Variants in PRELID3B observed in about 807,000 individuals in gnomAD.
PRELID3B encodes the protein PRELI domain containing protein 3B.
Under a neutral mutation model 24.0 loss-of-function variants are expected in PRELID3B, and 15 were observed. The observed-to-expected ratio is 0.63, with a 90% CI of 0.42 to 0.96. The LOEUF (loss-of-function observed/expected upper bound fraction) is 0.96. Among genes scored for constraint, PRELID3B ranks in the 40% least tolerant of loss-of-function variants. PRELID3B has a pLI of 0.00. For synonymous variants in PRELID3B, 62 were observed against 76.0 expected, an observed-to-expected ratio of 0.82 and a Z score of 0.96; for missense variants, 189 against 236.0, an observed-to-expected ratio of 0.80 and a Z score of 1.30.
intron 1 of PRELID3B, among the ~76,000 whole-genome samples, chr20:59,041,410 G>A (rs1248884858): frequency 1.3e-5 from 2 of 152,156 alleles, no homozygotes; most frequent in African/African-American, 2.4e-5. Context: ...TGCGGACAAC[G>A]TTTTAAAAGT....
chr20:59,038,704 A>G lies in PRELID3B; in HGVS notation c.33-70T>C, dbSNP rs1368229829. The G allele has an allele frequency of 3.4e-6, 5 of 1,479,370 alleles. No individual in the cohort carries two copies. The Admixed American group carries it at 6.8e-5, about 20-fold the overall frequency. 91.6% of individuals were successfully genotyped at this position (1,479,370 alleles called of 1,614,324 possible). A position where few individuals can be genotyped will look rare whatever the true frequency, so the allele number is the denominator to read the frequency against. The stretch of plus-strand genomic sequence containing the variant: ...TAAAATTATGCATATGAGTTAAACA[A>G]TTTTTATAATCTATCAAATCATTCA... On this transcript the variant is annotated intron_variant, in intron 1 of 5. Coordinates refer to ENST00000355937, the MANE Select transcript of PRELID3B (RefSeq NM_016045.3).
At position 59,040,410 on chromosome 20, in the gene PRELID3B, C is replaced by A. The variant is rs911359805; in HGVS notation, c.33-1776G>T. The stretch of plus-strand genomic sequence containing the variant: ...CGGTCCAACTTCTTCACCTTTGAAA[C>A]GAGGTGAGGACATTATTAACTCCAC... On this transcript the variant is annotated intron_variant, in intron 1 of 5. Transcript: ENST00000355937. This position sits in a 1 kb window ranked among gnomAD's most constrained non-coding sequence, Gnocchi z 4.1. Among the ~76,000 whole-genome samples the A allele has an allele frequency of 6.6e-6, 1 of 152,180 alleles. No individual in the cohort carries two copies. Among genetic ancestry groups the A allele is most frequent in the African/African-American group, 2.4e-5 (1 of 41,448 alleles).
chr20:59,041,760 C>T (rs1384811901), intron 1 of PRELID3B, among the ~76,000 whole-genome samples: 1 of 152,080 alleles, frequency 6.6e-6, no homozygotes, highest in Non-Finnish European at 1.5e-5. Flanking sequence ...AAAAAATTTG[C>T]CTTCAGAGAC....
chr20:59,035,130 A>T lies in PRELID3B; in HGVS notation c.466-4T>A. On this transcript the variant is annotated splice_polypyrimidine_tract_variant and splice_region_variant and intron_variant, in intron 5 of 5. Coordinates refer to ENST00000355937, the MANE Select transcript of PRELID3B (RefSeq NM_016045.3). ...CCCATTCCATTGCTTCTCGGCCCTTAAAAAAAATCCAATACATTTATTGTT... is the reference window on the plus strand; with the variant it reads ...CCCATTCCATTGCTTCTCGGCCCTTTAAAAAAATCCAATACATTTATTGTT... The T allele has an allele frequency of 6.3e-7, 1 of 1,597,536 alleles. No homozygotes were observed. Among genetic ancestry groups the T allele is most frequent in the Non-Finnish European group, 8.5e-7 (1 of 1,171,606 alleles).
At chr20:59,035,504 A>G (rs1264400770) in intron 5 of PRELID3B, among the ~76,000 whole-genome samples, 2 of 151,362 alleles carry the variant, frequency 1.3e-5, no homozygotes, top group Non-Finnish European at 2.9e-5. Context: ...TCCTCAACTC[A>G]CTCCTCACCC....
In PRELID3B at chr20:59,042,770, GACA is replaced by G. The variant is rs767540688; in HGVS notation, c.-43_-41del. 7 of 1,587,630 alleles carry G rather than the reference GACA, an allele frequency of 4.4e-6. No homozygotes were observed. The highest frequency in any genetic ancestry group is 3.3e-4 in the Middle Eastern group (2 of 6,000). ...GAGAGATGTCCGGGTAGCGCCAGGG[GACA>G]ACGAGGCACAGAGGCTACACCTGCC... On this transcript the variant is annotated 5_prime_UTR_variant, in exon 1 of 6. Coordinates refer to ENST00000355937, the MANE Select transcript of PRELID3B (RefSeq NM_016045.3).
At chr20:59,041,876 C>CG (rs2092112754) in intron 1 of PRELID3B, among the ~76,000 whole-genome samples, 1 of 151,956 alleles carries the variant, frequency 6.6e-6, no homozygotes, top group African/African-American at 2.4e-5. Flanking sequence ...GCAGGTAACT[C>CG]GGGAAAAAAA....
At chr20:59,042,473 C>T (rs923906783) in intron 1 of PRELID3B, among the ~76,000 whole-genome samples, 22 of 152,232 alleles carry the variant, frequency 1.4e-4, no homozygotes, top group Admixed American at 2.6e-4. Flanking sequence ...CCCTGCCGGT[C>T]GCAAGGCCGC....
intron 1 of PRELID3B, among the ~76,000 whole-genome samples, chr20:59,042,310 C>G (rs182438711): frequency 2.0e-5 from 3 of 152,374 alleles, no homozygotes; most frequent in Admixed American, 1.3e-4. Context: ...TTGGGATCCT[C>G]GGGTCCACGT....
In PRELID3B at chr20:59,042,741, C is replaced by T. The variant is rs1230669568; in HGVS notation, c.-11G>A. ...AGTCCAGATCTTCATGGTGCCGGCACCCTGAGAGATGTCCGGGTAGCGCCA... is the reference window on the plus strand; with the variant it reads ...AGTCCAGATCTTCATGGTGCCGGCATCCTGAGAGATGTCCGGGTAGCGCCA... On this transcript the variant is annotated 5_prime_UTR_variant, in exon 1 of 6. In the 5' UTR this introduces an upstream ATG that the reference lacks. Coordinates refer to ENST00000355937, the MANE Select transcript of PRELID3B (RefSeq NM_016045.3). 6.2e-7 allele frequency: 1 copy of T among 1,600,916 alleles called. No homozygotes were observed. Among genetic ancestry groups the T allele is most frequent in the Non-Finnish European group, 8.5e-7 (1 of 1,174,554 alleles).
At chr20:59,035,614 C>G (rs2092066249) in intron 5 of PRELID3B, among the ~76,000 whole-genome samples, 1 of 152,334 alleles carries the variant, frequency 6.6e-6, no homozygotes, top group Admixed American at 6.5e-5. Context: ...CTAGAACACT[C>G]TTCTTGGAAT....
At chr20:59,038,187 A>C (rs1349471729) in intron 2 of PRELID3B, 2 of 310,672 alleles carry the variant, frequency 6.4e-6, no homozygotes, top group African/African-American at 4.3e-5. Context: ...ATTGGTCTCA[A>C]GTTGCTGGCA....
intron 2 of PRELID3B, 28 bp downstream of exon 2, chr20:59,038,438 A>G (rs1460227240): frequency 1.3e-6 from 2 of 1,598,066 alleles, no homozygotes; most frequent in African/African-American, 2.7e-5. Flanking sequence ...CAGCAGTCAC[A>G]TTTCTCCGGG....
chr20:59,041,970 G>C (rs927735882), intron 1 of PRELID3B, among the ~76,000 whole-genome samples: 4 of 152,176 alleles, frequency 2.6e-5, no homozygotes, highest in Admixed American at 2.6e-4. Flanking sequence ...CATCCAACTG[G>C]TTCAAGGCTT....
chr20:59,038,572 C>T lies in PRELID3B; in HGVS notation c.95G>A (p.Ser32Asn), dbSNP rs1234845793. 1.9e-6 allele frequency: 3 copies of T among 1,612,370 alleles called. No homozygotes were observed. Among genetic ancestry groups the T allele is most frequent in the Non-Finnish European group, 2.5e-6 (3 of 1,179,754 alleles). Reference sequence around the variant, plus strand: ...GTCCAACACATCAACTCCAACCACACTTGGGTTCATAGGGTTTGGGTATTT... The same window carrying T: ...GTCCAACACATCAACTCCAACCACATTTGGGTTCATAGGGTTTGGGTATTT... ...MQKYPNPMNP[S>N]VVGVDVLDRH... The change falls in exon 2 of 6, where the codon AGT becomes AAT. Residue 32 changes from serine to asparagine, a missense_variant. By Grantham distance (46) the Ser-to-Asn change is conservative. Transcript: ENST00000355937.
intron 1 of PRELID3B, among the ~76,000 whole-genome samples, chr20:59,041,553 G>A (rs2092110225): frequency 6.6e-6 from 1 of 152,108 alleles, no homozygotes. Flanking sequence ...TGACCAACAT[G>A]GTGAAACTCC....
chr20:59,036,660 G>C, intron 4 of PRELID3B, 30 bp downstream of exon 4: 1 of 1,578,306 alleles, frequency 6.3e-7, no homozygotes, highest in Non-Finnish European at 8.7e-7. Context: ...CACCCTTTAC[G>C]ATACATTTGT....
chr20:59,037,444 C>A, intron 2 of PRELID3B, 164 bp from the exon 3 acceptor site: 1 of 679,338 alleles, frequency 1.5e-6, no homozygotes, highest in African/African-American at 1.8e-5. Context: ...GGCCTATTCA[C>A]ATATCATGGA....
Position 59,038,645 on chromosome 20 carries a change from G to GA in PRELID3B, c.33-12dup. On this transcript the variant is annotated splice_polypyrimidine_tract_variant and intron_variant, in intron 1 of 5. Transcript: ENST00000355937. ...GTTTCCCACGGGTGGCTGCCGATGT[G>GA]AACCAAAAAAAAAAAAAAAAAAATT... is the stretch of plus-strand genomic sequence containing the variant. The GA allele has an allele frequency of 7.6e-7, 1 of 1,308,040 alleles. No individual in the cohort carries two copies. Among genetic ancestry groups the GA allele is most frequent in the Non-Finnish European group, 9.7e-7 (1 of 1,031,826 alleles). The allele number at this position is 1,308,040 out of a possible 1,614,324, so 81.0% of individuals were successfully genotyped here.
Sources: gnomAD v4.1 joint callset for allele counts (sites outside exome capture counted in the v4.1 genomes callset) on GRCh38, gnomAD v4.1.1 for gene constraint, Gnocchi (gnomAD v3.1) non-coding constraint, MANE v1.5 for transcripts, NCBI Gene and HGNC (gene_info 2026-07-23, HGNC 2026-07-21) for gene names.